WIPF1: variants seen among roughly 807,000 people sequenced by gnomAD.
WIPF1 encodes WAS/WASL-interacting protein family member 1.
A neutral mutation model predicts 35.4 loss-of-function variants in WIPF1; 13 were observed. That is an observed-to-expected ratio of 0.37 (90% confidence interval 0.24 to 0.58). The LOEUF (loss-of-function observed/expected upper bound fraction) is 0.58. Among genes scored for constraint, WIPF1 ranks in the 20% least tolerant of loss-of-function variants. The probability of loss-of-function intolerance (pLI) is 0.74; values close to 1 mark genes in which losing one functional copy is unlikely to be tolerated. For missense variants in WIPF1, 591 were observed against 667.0 expected, an observed-to-expected ratio of 0.89 and a Z score of 1.25; for synonymous variants, 267 against 266.3, an observed-to-expected ratio of 1.00 and a Z score of -0.02.
chr2:174,595,694 C>T (rs1256474607), intron 1 of WIPF1, among the ~76,000 whole-genome samples: 3 of 152,150 alleles, frequency 2.0e-5, no homozygotes, highest in African/African-American at 7.2e-5. Context: ...TTCCATATTA[C>T]AAGTGAATGG....
intron 1 of WIPF1, among the ~76,000 whole-genome samples, chr2:174,611,449 C>A (rs1051463141): frequency 5.9e-5 from 9 of 152,180 alleles, no homozygotes; most frequent in African/African-American, 2.2e-4. Flanking sequence ...TTCATAATGT[C>A]ACTAAACTAA....
intron 7 of WIPF1, among the ~76,000 whole-genome samples, chr2:174,563,598 T>C (rs1276073732): frequency 6.6e-6 from 1 of 152,122 alleles, no homozygotes; most frequent in African/African-American, 2.4e-5. Flanking sequence ...AACCAAGCTA[T>C]TCATGGGCTA....
chr2:174,647,675 G>A (rs186551584), intron 1 of WIPF1, among the ~76,000 whole-genome samples: 3 of 150,846 alleles, frequency 2.0e-5, no homozygotes, highest in Admixed American at 2.0e-4. Context: ...GCAGGAAAAC[G>A]GCATATGAAT....
chr2:174,648,853 C>A (rs367905351), intron 1 of WIPF1, among the ~76,000 whole-genome samples: 2 of 152,126 alleles, frequency 1.3e-5, no homozygotes, highest in African/African-American at 4.8e-5. Flanking sequence ...GCAAAGCAAC[C>A]CCTCCCCCTT....
chr2:174,600,379 T>C (rs1685964816), upstream of WIPF1, among the ~76,000 whole-genome samples: 1 of 152,150 alleles, frequency 6.6e-6, no homozygotes, highest in Non-Finnish European at 1.5e-5. Context: ...TCCAATGACT[T>C]CTCATTTCAC....
chr2:174,625,851 G>T (rs1686816145), intron 1 of WIPF1: 1 of 152,172 alleles, frequency 6.6e-6, no homozygotes, highest in African/African-American at 2.4e-5. Flanking sequence ...AGAACTCAGG[G>T]TTCTCCTTCC....
chr2:174,560,006 T>C lies in WIPF1; in HGVS notation c.*2541A>G, dbSNP rs1684443853. 6.6e-6 allele frequency: 1 copy of C among 152,596 alleles called. No homozygotes were observed. Among genetic ancestry groups the C allele is most frequent in the Admixed American group, 6.6e-5 (1 of 15,264 alleles). The allele number at this position is 152,596 out of a possible 1,614,324, so 9.5% of individuals were successfully genotyped here. ...AGTGAAATAAATACTGAACACTGAG[T>C]TTTAATACTGTAATACATTTCAATA... On this transcript the variant is annotated 3_prime_UTR_variant, in exon 8 of 8. Coordinates refer to ENST00000679041, the MANE Select transcript of WIPF1 (RefSeq NM_001375834.1).
intron 1 of WIPF1, among the ~76,000 whole-genome samples, chr2:174,635,755 A>AT (rs540186765): frequency 6.6e-6 from 1 of 151,834 alleles, no homozygotes; most frequent in Non-Finnish European, 1.5e-5. Flanking sequence ...TTTTAAATGG[A>AT]TTTTTTTGTT....
At chr2:174,603,915 A>G (rs1181993420) in intron 1 of WIPF1, among the ~76,000 whole-genome samples, 1 of 152,240 alleles carries the variant, frequency 6.6e-6, no homozygotes, top group East Asian at 1.9e-4. Context: ...TGGAAGAAAT[A>G]ATAGAGAATT....
At chr2:174,674,208 A>G (rs1442260335) in intron 1 of WIPF1, among the ~76,000 whole-genome samples, 1 of 152,218 alleles carries the variant, frequency 6.6e-6, no homozygotes, top group Non-Finnish European at 1.5e-5. Flanking sequence ...ACTTTCAACA[A>G]CAGTCCAGGT....
At position 174,562,014 on chromosome 2, in the gene WIPF1, A is replaced by C. The variant is rs958652576; in HGVS notation, c.*533T>G. 4 of 1,511,532 alleles carry C rather than the reference A, an allele frequency of 2.6e-6. No homozygotes were observed. Among genetic ancestry groups the C allele is most frequent in the Middle Eastern group, 3.5e-4 (2 of 5,648 alleles). The allele number at this position is 1,511,532 out of a possible 1,614,324, so 93.6% of individuals were successfully genotyped here. Reference sequence around the variant, plus strand: ...AAAAATTGTATATGGGGCTCACATTATATTTCTATTGGACAGCTCTGTCCT... The same window carrying C: ...AAAAATTGTATATGGGGCTCACATTCTATTTCTATTGGACAGCTCTGTCCT... On this transcript the variant is annotated 3_prime_UTR_variant, in exon 8 of 8. Coordinates refer to ENST00000679041, the MANE Select transcript of WIPF1 (RefSeq NM_001375834.1).
At chr2:174,633,573 A>ATT (rs961659003) in intron 1 of WIPF1, among the ~76,000 whole-genome samples, 1 of 152,206 alleles carries the variant, frequency 6.6e-6, no homozygotes, top group African/African-American at 2.4e-5. Context: ...CTTAACTTGG[A>ATT]TTTGAGACGT....
chr2:174,610,850 A>G (rs1686321892), intron 1 of WIPF1, among the ~76,000 whole-genome samples: 1 of 151,736 alleles, frequency 6.6e-6, no homozygotes, highest in African/African-American at 2.4e-5. Flanking sequence ...AGCTTCTCCA[A>G]CCTCTAGGTC....
chr2:174,597,289 G>A (rs2105872985), intron 1 of WIPF1, among the ~76,000 whole-genome samples: 1 of 152,276 alleles, frequency 6.6e-6, no homozygotes, highest in Non-Finnish European at 1.5e-5. Context: ...TACACCAAAA[G>A]GATATATTTA....
chr2:174,675,543 CAG>C (rs1408522005), intron 1 of WIPF1, among the ~76,000 whole-genome samples: 2 of 151,952 alleles, frequency 1.3e-5, no homozygotes, highest in East Asian at 3.9e-4. Context: ...TTTGTAGAGA[CAG>C]AGTCTGCTAT....
chr2:174,613,380 C>T (rs757941784), intron 1 of WIPF1, among the ~76,000 whole-genome samples: 6 of 152,060 alleles, frequency 3.9e-5, no homozygotes, highest in Non-Finnish European at 8.8e-5. Context: ...TGATAAAAAC[C>T]TCTTTTGAGC....
At chr2:174,582,898 T>G (rs917433333) in intron 2 of WIPF1, among the ~76,000 whole-genome samples, 1 of 152,250 alleles carries the variant, frequency 6.6e-6, no homozygotes, top group African/African-American at 2.4e-5. Flanking sequence ...AGGCACTGTT[T>G]TCAGCACCTT....
intron 7 of WIPF1, among the ~76,000 whole-genome samples, chr2:174,562,952 G>C (rs1559143515): frequency 6.6e-6 from 1 of 152,140 alleles, no homozygotes; most frequent in Non-Finnish European, 1.5e-5. Context: ...CCAATTATGT[G>C]TATATTTTTT....
At position 174,572,337 on chromosome 2, in the gene WIPF1, G is replaced by T. The variant is rs772994278; in HGVS notation, c.468C>A (p.Gly156=). 5 of 1,614,130 alleles carry T rather than the reference G, an allele frequency of 3.1e-6. No individual in the cohort carries two copies. The highest frequency in any genetic ancestry group is 4.2e-6 in the Non-Finnish European group (5 of 1,180,024). Residue 156 remains glycine, a synonymous_variant, in exon 5 of 8, where the codon GGC becomes GGA. Coordinates refer to ENST00000679041, the MANE Select transcript of WIPF1 (RefSeq NM_001375834.1). ...GAGGCTCTGGGGGACCACTTCTGTG[G>T]CCTGGAGAAGGCACAGGAAACCTCC... ...GPGRFPVPSP[G]HRSGPPEPQR...
Sources: allele counts gnomAD v4.1 joint callset (sites outside exome capture counted in the v4.1 genomes callset), GRCh38; gene constraint gnomAD v4.1.1; transcripts MANE v1.5; gene names NCBI Gene and HGNC (gene_info 2026-07-23, HGNC 2026-07-21).